CSMD1: variants seen among roughly 807,000 people sequenced by gnomAD.
CSMD1 encodes CUB and sushi domain-containing protein 1.
In CSMD1, 213 loss-of-function variants were observed where a neutral mutation model predicts 417.5. That is an observed-to-expected ratio of 0.51 (90% CI 0.46 to 0.57). The LOEUF (loss-of-function observed/expected upper bound fraction) is 0.57, where lower values mean the gene tolerates loss of function less well. Among genes scored for constraint, CSMD1 ranks in the 20% least tolerant of loss-of-function variants. The pLI is 0.00. For synonymous variants in CSMD1, 2,862 were observed against 1,736.8 expected (o/e 1.65, Z -16.11); for missense variants, 6,923 against 4,529.7 (o/e 1.53, Z -15.17).
intron 1 of CSMD1, among the ~76,000 whole-genome samples, chr8:4,902,931 G>C (rs1326098824): frequency 1.3e-5 from 2 of 149,282 alleles, no homozygotes; most frequent in African/African-American, 4.9e-5. Context: ...AACTTATTTA[G>C]CACATTTCAT....
At chr8:4,836,826 G>C (rs1218698403) in intron 1 of CSMD1, among the ~76,000 whole-genome samples, 2 of 147,294 alleles carry the variant, frequency 1.4e-5, no homozygotes, top group South Asian at 4.3e-4. Flanking sequence ...TTTCAGCCAA[G>C]AAAAAAAAAA....
At chr8:3,364,758 C>G (rs1809442626) in intron 20 of CSMD1, among the ~76,000 whole-genome samples, 2 of 152,164 alleles carry the variant, frequency 1.3e-5, no homozygotes. Context: ...ACCCCAGATG[C>G]CAGCACCTTG....
chr8:4,078,355 C>G (rs896456284), intron 3 of CSMD1, among the ~76,000 whole-genome samples: 14 of 132,094 alleles, frequency 1.1e-4, no homozygotes, highest in African/African-American at 2.7e-4. Flanking sequence ...TGCTCTGTGT[C>G]GCAGGCTGGA....
At chr8:3,541,235 T>C (rs1010893746) in intron 10 of CSMD1, among the ~76,000 whole-genome samples, 6 of 152,122 alleles carry the variant, frequency 3.9e-5, no homozygotes, top group South Asian at 2.1e-4. Context: ...TGCAGGAACA[T>C]GGATGAAACT....
rs764196363 is a variant in CSMD1, at chr8:3,187,915, G to A, written c.5574C>T (p.Ile1858=). Residue 1858 remains isoleucine, a synonymous_variant, in exon 36 of 70, where the codon ATC becomes ATT. Transcript: ENST00000635120. ...GTGCGGTCACATCCCCACCATCGTG[G>A]ATCTCAAGGGAGTCCCAGTTCTGCT... ...ATEQNWDSLE[I]HDGGDVTAPR... is the part of the protein sequence containing the mutation. The A allele has an allele frequency of 6.2e-7, 1 of 1,613,250 alleles. No individual in the cohort carries two copies. Among genetic ancestry groups the A allele is most frequent in the South Asian group, 1.1e-5 (1 of 90,920 alleles).
At chr8:3,590,568 T>C (rs1268722653) in intron 8 of CSMD1, among the ~76,000 whole-genome samples, 1 of 152,064 alleles carries the variant, frequency 6.6e-6, no homozygotes, top group East Asian at 1.9e-4. Flanking sequence ...ACATTGAGAG[T>C]ACAGTATAGA....
intron 2 of CSMD1, among the ~76,000 whole-genome samples, chr8:4,527,319 G>C (rs1796566050): frequency 6.6e-6 from 1 of 152,110 alleles, no homozygotes. Flanking sequence ...TGTTATATAA[G>C]TCTTCCTCTG....
At chr8:3,703,332 T>A (rs892747448) in intron 7 of CSMD1, among the ~76,000 whole-genome samples, 1 of 152,178 alleles carries the variant, frequency 6.6e-6, no homozygotes, top group African/African-American at 2.4e-5. Context: ...CTGATGAACG[T>A]GGGTTCCCAA....
intron 3 of CSMD1, among the ~76,000 whole-genome samples, chr8:4,206,114 A>G (rs1223716189): frequency 1.3e-5 from 2 of 152,188 alleles, no homozygotes; most frequent in Non-Finnish European, 2.9e-5. Context: ...CAACGCAGGG[A>G]AAAGGATAGG....
chr8:4,954,834 C>A (rs1808982517), intron 1 of CSMD1, among the ~76,000 whole-genome samples: 1 of 152,104 alleles, frequency 6.6e-6, no homozygotes, highest in South Asian at 2.1e-4. Context: ...CTTACTTTTG[C>A]TTTTGGTGTT....
intron 4 of CSMD1, among the ~76,000 whole-genome samples, chr8:4,018,087 T>G (rs941435003): frequency 6.6e-6 from 1 of 152,232 alleles, no homozygotes; most frequent in African/African-American, 2.4e-5. Context: ...AAGCTGGTTA[T>G]TATAGCCTAT....
intron 2 of CSMD1, among the ~76,000 whole-genome samples, chr8:4,622,529 G>T (rs1476294626): frequency 1.3e-5 from 2 of 152,154 alleles, no homozygotes; most frequent in Non-Finnish European, 2.9e-5. Flanking sequence ...CTGTGTCCAT[G>T]CAGCACCCTC....
chr8:3,114,066 C>G (rs1816702454), intron 42 of CSMD1, among the ~76,000 whole-genome samples: 1 of 151,722 alleles, frequency 6.6e-6, no homozygotes, highest in Admixed American at 6.6e-5. Flanking sequence ...AACAAACAAA[C>G]AAACAAACAA....
At chr8:4,958,097 G>C (rs1809241835) in intron 1 of CSMD1, among the ~76,000 whole-genome samples, 1 of 152,162 alleles carries the variant, frequency 6.6e-6, no homozygotes, top group African/African-American at 2.4e-5. Flanking sequence ...AATCCATAAA[G>C]TGATGTCTCA....
intron 5 of CSMD1, among the ~76,000 whole-genome samples, chr8:3,892,651 G>C (rs891054216): frequency 1.3e-5 from 2 of 151,298 alleles, no homozygotes; most frequent in South Asian, 2.1e-4. Context: ...GGCACGTCGT[G>C]GGATTTTTGG....
chr8:3,553,975 T>G (rs564159004), intron 10 of CSMD1, among the ~76,000 whole-genome samples: 1 of 152,300 alleles, frequency 6.6e-6, no homozygotes, highest in East Asian at 1.9e-4. Flanking sequence ...GTGATGGAAT[T>G]ATGGGTGAAA....
At chr8:3,838,924 C>CTATA (rs1362187040) in intron 5 of CSMD1, among the ~76,000 whole-genome samples, 1 of 87,104 alleles carries the variant, frequency 1.1e-5, no homozygotes, top group African/African-American at 6.2e-5. Context: ...TGTATAGTCT[C>CTATA]TCTATTTATA....
At chr8:3,859,541 G>T (rs931921226) in intron 5 of CSMD1, among the ~76,000 whole-genome samples, 3 of 152,134 alleles carry the variant, frequency 2.0e-5, no homozygotes, top group Non-Finnish European at 4.4e-5. Context: ...ATTTCAGGGC[G>T]AGGCTAACTA....
intron 26 of CSMD1, among the ~76,000 whole-genome samples, chr8:3,264,363 T>C (rs568619943): frequency 6.6e-6 from 1 of 152,298 alleles, no homozygotes; most frequent in East Asian, 1.9e-4. Flanking sequence ...TGCTATTTAC[T>C]TGTGTTCTAT....
Sources: allele counts gnomAD v4.1 joint callset (sites outside exome capture counted in the v4.1 genomes callset), GRCh38; gene constraint gnomAD v4.1.1; transcripts MANE v1.5; gene names NCBI Gene and HGNC (gene_info 2026-07-23, HGNC 2026-07-21).